Variants in SHPRH observed in about 807,000 individuals in gnomAD.
SHPRH encodes E3 ubiquitin-protein ligase SHPRH.
A neutral mutation model predicts 202.5 loss-of-function variants in SHPRH; 106 were observed. That is an observed-to-expected ratio of 0.52 (90% CI 0.45 to 0.62). The LOEUF (loss-of-function observed/expected upper bound fraction) is 0.62. Among genes scored for constraint, SHPRH ranks in the 20% least tolerant of loss-of-function variants. The pLI is 0.00. For synonymous variants in SHPRH, 729 were observed against 686.0 expected (o/e 1.06, Z -0.98); for missense variants, 1,710 against 2,020.0 (o/e 0.85, Z 2.94).
downstream of SHPRH, among the ~76,000 whole-genome samples, chr6:145,864,035 G>A (rs957104792): frequency 3.3e-5 from 5 of 152,088 alleles, no homozygotes; most frequent in Admixed American, 6.5e-5. Context: ...TGTGGTCCCA[G>A]GAAACCTGCA....
intron 2 of SHPRH, 25 bp from the exon 3 acceptor site, chr6:145,952,503 A>G (rs765415999): frequency 2.0e-5 from 31 of 1,588,386 alleles, no homozygotes; most frequent in Non-Finnish European, 2.7e-5. Flanking sequence ...TCAAAATAAA[A>G]GTAGTTTCAT....
At chr6:145,905,553 T>C (rs1034915110) in intron 25 of SHPRH, 8 of 152,114 alleles carry the variant, frequency 5.3e-5, no homozygotes, top group African/African-American at 1.9e-4. Context: ...GCATATAACA[T>C]ACACACATCC....
chr6:145,940,206 T>TAC (rs1786601672), intron 11 of SHPRH, among the ~76,000 whole-genome samples: 3 of 152,188 alleles, frequency 2.0e-5, no homozygotes, highest in African/African-American at 7.2e-5. Context: ...ACAATAACGG[T>TAC]ATATACATAT....
chr6:145,923,188 G>C (rs926750269), intron 18 of SHPRH, among the ~76,000 whole-genome samples: 3 of 151,672 alleles, frequency 2.0e-5, no homozygotes, highest in Admixed American at 6.6e-5. Context: ...CTCTATATGA[G>C]GAGGTGCCTG....
intron 19 of SHPRH, 128 bp downstream of exon 19, chr6:145,922,535 A>C (rs1784512908): frequency 8.7e-6 from 11 of 1,259,230 alleles, no homozygotes; most frequent in Non-Finnish European, 1.2e-5. Flanking sequence ...AGATTAATAC[A>C]TCTCTTTCTA....
In SHPRH at chr6:145,910,650, A is replaced by G. The variant is rs763763211; in HGVS notation, c.4327-14T>C. The G allele has an allele frequency of 6.3e-7, 1 of 1,592,806 alleles. No homozygotes were observed. Among genetic ancestry groups the G allele is most frequent in the South Asian group, 1.1e-5 (1 of 88,514 alleles). ...CAGTACCGCCCACTAAAAAGAAAAC[A>G]GAACAAGCCTTAGTGCTATCAAAGA... On this transcript the variant is annotated splice_polypyrimidine_tract_variant and intron_variant, in intron 24 of 29. Transcript: ENST00000275233.
At chr6:145,900,690 A>G (rs1001291688) in intron 25 of SHPRH, among the ~76,000 whole-genome samples, 2 of 152,162 alleles carry the variant, frequency 1.3e-5, no homozygotes, top group Admixed American at 1.3e-4. Context: ...TAAGTGCCTT[A>G]CATAAAATGA....
chr6:145,922,491 A>G lies in SHPRH; in HGVS notation c.3720-143T>C, dbSNP rs1208969076. ...AAAAACAAATCACATGGTTTTTCAT[A>G]CCTTGTCCTTGAGACTTTATTTTTC... On this transcript the variant is annotated intron_variant, in intron 19 of 29. Transcript: ENST00000275233. 3.2e-6 allele frequency: 4 copies of G among 1,239,860 alleles called. No homozygotes were observed. In the African/African-American group the frequency reaches 6.4e-5, roughly 20 times the overall value. The allele number at this position is 1,239,860 out of a possible 1,614,324, so 76.8% of individuals were successfully genotyped here.
intron 8 of SHPRH, among the ~76,000 whole-genome samples, chr6:145,944,407 A>G (rs931694552): frequency 1.3e-5 from 2 of 152,152 alleles, no homozygotes; most frequent in African/African-American, 2.4e-5. Flanking sequence ...AAATGATGCT[A>G]TGGGAATACC....
chr6:145,928,212 A>AT (rs1201488724), intron 14 of SHPRH, among the ~76,000 whole-genome samples: 1 of 151,932 alleles, frequency 6.6e-6, no homozygotes, highest in African/African-American at 2.4e-5. Context: ...ATGCCTATGT[A>AT]TTATCTGCTT....
At chr6:145,883,971 T>C (rs889968477), downstream of SHPRH, 9 of 152,324 alleles carry the variant, frequency 5.9e-5, no homozygotes, top group East Asian at 1.5e-3. Flanking sequence ...TGAAAGGTTG[T>C]CTCGTCGTTT....
intron 5 of SHPRH, 95 bp downstream of exon 5, chr6:145,948,177 G>A: frequency 1.2e-6 from 1 of 845,398 alleles, no homozygotes; most frequent in Non-Finnish European, 1.8e-6. Flanking sequence ...TCCTTCATGA[G>A]GTAGAGTCAA....
intron 16 of SHPRH, 61 bp downstream of exon 16, chr6:145,926,143 A>G: frequency 7.4e-7 from 1 of 1,352,468 alleles, no homozygotes; most frequent in Non-Finnish European, 1.1e-6. Context: ...TATATCAACT[A>G]TATGGAGCAT....
intron 23 of SHPRH, among the ~76,000 whole-genome samples, chr6:145,914,668 T>C (rs1783792801): frequency 6.6e-6 from 1 of 152,208 alleles, no homozygotes; most frequent in Non-Finnish European, 1.5e-5. Context: ...CACATATTTT[T>C]ACTTTCACTC....
At chr6:145,922,443 T>C (rs1784506402) in intron 19 of SHPRH, 95 bp from the exon 20 acceptor site, 3 of 1,392,694 alleles carry the variant, frequency 2.2e-6, no homozygotes, top group Admixed American at 2.8e-5. Flanking sequence ...CATTTTTCTT[T>C]CCACTAGATA....
chr6:145,948,277 T>C lies in SHPRH; in HGVS notation c.1056A>G (p.Thr352=). 8 of 1,578,552 alleles carry C rather than the reference T, an allele frequency of 5.1e-6. No individual in the cohort carries two copies. The highest frequency in any genetic ancestry group is 6.9e-6 in the Non-Finnish European group (8 of 1,162,916). ...TAAGTAAAATTTTGCCTTACCAGCC[T>C]GTATATGGATTATAGTAGAGTTTCA... The part of the protein sequence containing the change: ...EGLKLYYNPY[T]GCIIREYPNS... The change falls in exon 5 of 30, where the codon ACA becomes ACG. Residue 352 remains threonine (T), a synonymous_variant. Coordinates refer to ENST00000275233, the MANE Select transcript of SHPRH (RefSeq NM_001042683.3).
In SHPRH at chr6:145,926,261, C is replaced by T; in HGVS notation, c.3237G>A (p.Leu1079=). 1 of 1,612,892 alleles carries T rather than the reference C, an allele frequency of 6.2e-7. No homozygotes were observed. Among genetic ancestry groups the T allele is most frequent in the Non-Finnish European group, 8.5e-7 (1 of 1,179,184 alleles). The change falls in exon 16 of 30, where the codon TTG becomes TTA. Residue 1079 remains leucine, a synonymous_variant. Coordinates refer to ENST00000275233, the MANE Select transcript of SHPRH (RefSeq NM_001042683.3). ...GTGGTATCCCTGGGTGCCTGGCTATCAACAATTCCATCAAGTTATGGGTAG... is the reference window on the plus strand; with the variant it reads ...GTGGTATCCCTGGGTGCCTGGCTATTAACAATTCCATCAAGTTATGGGTAG... ...LHATHNLMEL[L]IARHPGIPPT...
At chr6:145,882,885 T>C (rs999489300), downstream of SHPRH, among the ~76,000 whole-genome samples, 16 of 152,290 alleles carry the variant, frequency 1.1e-4, no homozygotes, top group Admixed American at 9.2e-4. Context: ...GCACAAATGT[T>C]TGCTCATTAG....
Position 145,886,803 on chromosome 6 carries a change from A to C in SHPRH, c.4956-16T>G. 6.2e-7 allele frequency: 1 copy of C among 1,610,506 alleles called. No individual in the cohort carries two copies. The highest frequency in any genetic ancestry group is 8.5e-7 in the Non-Finnish European group (1 of 1,178,630). Reference sequence around the variant, plus strand: ...GTTCGTGTGACTGCAAGGTTTCCCAAATGAGCACAGTCAGAAAGAAACCCC... The same window carrying C: ...GTTCGTGTGACTGCAAGGTTTCCCACATGAGCACAGTCAGAAAGAAACCCC... On this transcript the variant is annotated splice_polypyrimidine_tract_variant and intron_variant, in intron 29 of 29. Transcript: ENST00000275233.
Sources: gnomAD v4.1 joint callset for allele counts (sites outside exome capture counted in the v4.1 genomes callset) on GRCh38, gnomAD v4.1.1 for gene constraint, MANE v1.5 for transcripts, NCBI Gene and HGNC (gene_info 2026-07-23, HGNC 2026-07-21) for gene names.